Variants in GZMK observed in about 807,000 individuals in gnomAD.
The protein encoded by GZMK is granzyme K.
GZMK carries 18 observed loss-of-function variants against 22.8 expected under a neutral mutation model. That is an observed-to-expected ratio of 0.79 (90% CI 0.54 to 1.17). The LOEUF (loss-of-function observed/expected upper bound fraction) is 1.17. GZMK is among the 50% of genes most tolerant of loss of function. The pLI is 0.00. For synonymous variants in GZMK, 136 were observed against 115.0 expected (o/e 1.18, Z -1.17); for missense variants, 342 against 320.2 (o/e 1.07, Z -0.52).
chr5:55,030,274 T>C (rs1741204978), intron 2 of GZMK, 160 bp from the exon 3 acceptor site: 2 of 607,162 alleles, frequency 3.3e-6, no homozygotes, highest in South Asian at 4.8e-5. Context: ...CAATTCATGC[T>C]GGGCTCCACT....
At position 55,031,242 on chromosome 5, in the gene GZMK, A is replaced by G; in HGVS notation, c.364-122A>G. 5.1e-6 allele frequency: 4 copies of G among 784,004 alleles called. No homozygotes were observed. The South Asian group carries it at 6.9e-5, about 13-fold the overall frequency. 48.6% of individuals were successfully genotyped at this position (784,004 alleles called of 1,614,324 possible). ...ACCACAAATGCAGCTGCAGGCCACC[A>G]CCAAAGTAGATCCCAGAACAGGGAC... On this transcript the variant is annotated intron_variant, in intron 3 of 4. Transcript: ENST00000231009.
intron 2 of GZMK, 139 bp downstream of exon 2, chr5:55,024,946 C>T (rs970294073): frequency 9.6e-6 from 5 of 520,232 alleles, no homozygotes; most frequent in Non-Finnish European, 1.7e-5. Context: ...CGTTTATTTA[C>T]CTTCTTCCAC....
At position 55,030,526 on chromosome 5, in the gene GZMK, T is replaced by G; in HGVS notation, c.305T>G (p.Phe102Cys). The change falls in exon 3 of 5, where the codon TTT becomes TGT. Residue 102 changes from phenylalanine to cysteine, a missense_variant. Coordinates refer to ENST00000231009, the MANE Select transcript of GZMK (RefSeq NM_002104.3). ...ASKQTLEIKKFIPFSRVTSDP... is the reference protein window; with the variant it reads ...ASKQTLEIKKCIPFSRVTSDP... Reference sequence around the variant, plus strand: ...AAACAAACACTGGAGATCAAAAAATTTATACCATTCTCAAGAGTTACATCA... The same window carrying G: ...AAACAAACACTGGAGATCAAAAAATGTATACCATTCTCAAGAGTTACATCA... The G allele has an allele frequency of 1.2e-6, 2 of 1,612,624 alleles. No individual in the cohort carries two copies. Among genetic ancestry groups the G allele is most frequent in the East Asian group, 2.2e-5 (1 of 44,870 alleles).
chr5:55,028,693 C>G (rs1300338939), intron 2 of GZMK: 2 of 151,962 alleles, frequency 1.3e-5, no homozygotes, highest in African/African-American at 4.8e-5. Context: ...TTCCAAGTAG[C>G]AAAGAAATAG....
chr5:55,029,542 TTTTGTTTG>T (rs72151093), intron 2 of GZMK, among the ~76,000 whole-genome samples: 68,178 of 150,386 alleles, frequency 0.45, 18,622 homozygotes, highest in African/African-American at 0.77. Flanking sequence ...TCTTTGTGGT[TTTTGTTTG>T]TTTGTTTGTT....
In GZMK at chr5:55,029,529, G is replaced by A. The variant is rs566912665; in HGVS notation, c.213-905G>A. 3.6e-5 allele frequency among the ~76,000 whole-genome samples: 5 copies of A among 137,816 alleles called. No individual in the cohort carries two copies. In the South Asian group the frequency reaches 9.8e-4, roughly 27 times the overall value. The allele number at this position is 137,816 out of a possible 152,430, so 90.4% of individuals were successfully genotyped here. A position where few individuals can be genotyped will look rare whatever the true frequency, so the allele number is the denominator to read the frequency against. On this transcript the variant is annotated intron_variant, in intron 2 of 4. Transcript: ENST00000231009. ...ATGTGGGTGAGCAAGTGTAGGGTGG[G>A]GATCTTTGTGGTTTTTGTTTGTTTG...
chr5:55,030,337 T>C, intron 2 of GZMK, 97 bp from the exon 3 acceptor site: 1 of 1,112,982 alleles, frequency 9.0e-7, no homozygotes, highest in Non-Finnish European at 1.3e-6. Context: ...GAGATAGCCC[T>C]TGTTTCTCTG....
intron 4 of GZMK, 60 bp from the exon 5 acceptor site, chr5:55,033,705 A>G: frequency 7.0e-7 from 1 of 1,427,562 alleles, no homozygotes; most frequent in Admixed American, 2.3e-5. Flanking sequence ...GTTGGTGGTT[A>G]AAAAACAAAA....
chr5:55,030,506 A>C lies in GZMK; in HGVS notation c.285A>C (p.Gln95His). The C allele has an allele frequency of 1.2e-6, 2 of 1,612,180 alleles. No homozygotes were observed. Among genetic ancestry groups the C allele is most frequent in the Non-Finnish European group, 1.7e-6 (2 of 1,178,152 alleles). ...HSLSKNEASK[Q>H]TLEIKKFIPF... ...TCTCAAAGAATGAGGCCTCCAAACA[A>C]ACACTGGAGATCAAAAAATTTATAC... Residue 95 changes from glutamine (Q) to histidine (H), a missense_variant, in exon 3 of 5, where the codon CAA becomes CAC. Coordinates refer to ENST00000231009, the MANE Select transcript of GZMK (RefSeq NM_002104.3).
In GZMK at chr5:55,024,327, C is replaced by G. The variant is rs750284052; in HGVS notation, c.5C>G (p.Thr2Ser). The G allele has an allele frequency of 8.4e-6, 12 of 1,432,446 alleles. No homozygotes were observed. The highest frequency in any genetic ancestry group is 1.2e-5 in the Non-Finnish European group (12 of 1,016,934). 88.7% of individuals were successfully genotyped at this position (1,432,446 alleles called of 1,614,324 possible). Reference sequence around the variant, plus strand: ...TCTTAAATCTAAATCTTTAAAATGACTAAGTTTTCTTCCTTTTCTCTGTTT... The same window carrying G: ...TCTTAAATCTAAATCTTTAAAATGAGTAAGTTTTCTTCCTTTTCTCTGTTT... M[T>S]KFSSFSLFFL... is the part of the protein sequence containing the mutation. Residue 2 changes from threonine to serine, a missense_variant, in exon 1 of 5, where the codon ACT becomes AGT. By Grantham distance (58) the Thr-to-Ser change is moderately conservative. Transcript: ENST00000231009.
chr5:55,026,033 G>T (rs1413423895), intron 2 of GZMK, among the ~76,000 whole-genome samples: 7 of 152,238 alleles, frequency 4.6e-5, no homozygotes, highest in Admixed American at 4.6e-4. Flanking sequence ...AGATCAGAGA[G>T]ACAGAGTGGG....
At chr5:55,030,119 T>A (rs1044998758) in intron 2 of GZMK, among the ~76,000 whole-genome samples, 2 of 152,234 alleles carry the variant, frequency 1.3e-5, no homozygotes, top group African/African-American at 2.4e-5. Flanking sequence ...TAAATGAACA[T>A]AATTTTGTTT....
intron 2 of GZMK, 33 bp from the exon 3 acceptor site, chr5:55,030,401 T>G (rs1313291954): frequency 1.2e-6 from 2 of 1,608,458 alleles, no homozygotes; most frequent in Non-Finnish European, 1.7e-6. Context: ...TTGGAAATCA[T>G]TCTGCTGCTT....
rs113399125 is a variant in GZMK at position 55,034,113 on chromosome 5, A to G, written c.*187A>G. On this transcript the variant is annotated 3_prime_UTR_variant, in exon 5 of 5. Coordinates refer to ENST00000231009, the MANE Select transcript of GZMK (RefSeq NM_002104.3). ...ATTTCTACCATGCTGGTTTTATTCT[A>G]AATAAAATTTAGAAGACTCTCTGTT... 6.2e-3 allele frequency: 3,221 copies of G among 520,766 alleles called. 92 individuals are homozygous for G. Among genetic ancestry groups the G allele is most frequent in the African/African-American group, 0.058 (2,981 of 51,692 alleles). The allele number at this position is 520,766 out of a possible 1,614,324, so 32.3% of individuals were successfully genotyped here.
chr5:55,027,680 T>A, intron 2 of GZMK: 1 of 152,374 alleles, frequency 6.6e-6, no homozygotes, highest in South Asian at 2.1e-4. Flanking sequence ...TTAGGCTCAA[T>A]GGAGACAATG....
chr5:55,024,408 A>T, intron 1 of GZMK, 22 bp downstream of exon 1: 1 of 1,082,466 alleles, frequency 9.2e-7, no homozygotes, highest in Non-Finnish European at 1.4e-6. Flanking sequence ...CTATATCTAC[A>T]TGTAAACATT....
intron 4 of GZMK, 144 bp downstream of exon 4, chr5:55,031,777 A>G: frequency 1.6e-6 from 1 of 642,986 alleles, no homozygotes; most frequent in Non-Finnish European, 2.6e-6. Flanking sequence ...CCTGCACAGC[A>G]TTCTCTATTC....
chr5:55,033,489 G>A (rs1741266269), intron 4 of GZMK, among the ~76,000 whole-genome samples: 1 of 152,186 alleles, frequency 6.6e-6, no homozygotes. Context: ...ACAAAACAGA[G>A]ATATAGACAT....
intron 4 of GZMK, among the ~76,000 whole-genome samples, chr5:55,032,991 A>G (rs965351415): frequency 4.6e-5 from 7 of 152,252 alleles, no homozygotes; most frequent in African/African-American, 9.6e-5. Context: ...ATCGGTTATC[A>G]TGGTTGACCA....
Sources: gnomAD v4.1 joint callset for allele counts (sites outside exome capture counted in the v4.1 genomes callset) on GRCh38, gnomAD v4.1.1 for gene constraint, MANE v1.5 for transcripts, NCBI Gene and HGNC (gene_info 2026-07-23, HGNC 2026-07-21) for gene names.